Variants in THSD7B observed in about 807,000 individuals in gnomAD.
THSD7B encodes thrombospondin type-1 domain-containing protein 7B.
Under a neutral mutation model 213.6 loss-of-function variants are expected in THSD7B, and 138 were observed. The observed-to-expected ratio is 0.65, with a 90% CI of 0.56 to 0.74. THSD7B has a LOEUF of 0.74. Among genes scored for constraint, THSD7B ranks in the 30% least tolerant of loss-of-function variants. The probability of loss-of-function intolerance (pLI) is 0.00; values close to 1 mark genes in which losing one functional copy is unlikely to be tolerated. For missense variants in THSD7B, 1,931 were observed against 1,991.5 expected, an observed-to-expected ratio of 0.97 and a Z score of 0.58; for synonymous variants, 742 against 687.0, an observed-to-expected ratio of 1.08 and a Z score of -1.25.
intron 1 of THSD7B, among the ~76,000 whole-genome samples, chr2:136,804,426 A>G (rs1380687538): frequency 1.3e-5 from 2 of 149,716 alleles, no homozygotes; most frequent in African/African-American, 5.1e-5. Flanking sequence ...ACACACACAC[A>G]CACACACACA....
At chr2:136,870,920 T>A (rs2104980921) in intron 1 of THSD7B, among the ~76,000 whole-genome samples, 1 of 152,184 alleles carries the variant, frequency 6.6e-6, no homozygotes, top group South Asian at 2.1e-4. Flanking sequence ...AAAGCAAGGG[T>A]GGAAGCAGAA....
intron 2 of THSD7B, among the ~76,000 whole-genome samples, chr2:136,892,132 A>G (rs1683871787): frequency 1.3e-5 from 2 of 152,110 alleles, no homozygotes; most frequent in Non-Finnish European, 2.9e-5. Flanking sequence ...GCTTCCACAG[A>G]GAAACAGAGA....
intron 2 of THSD7B, among the ~76,000 whole-genome samples, chr2:136,889,131 A>T (rs1683772158): frequency 6.6e-6 from 1 of 152,184 alleles, no homozygotes; most frequent in African/African-American, 2.4e-5. Context: ...ATGTATTTCC[A>T]TGTCACTTTA....
intron 1 of THSD7B, among the ~76,000 whole-genome samples, chr2:136,851,121 A>G (rs1417454932): frequency 6.6e-6 from 1 of 152,076 alleles, no homozygotes; most frequent in Non-Finnish European, 1.5e-5. Flanking sequence ...TTTTCTGTAT[A>G]TCTAAATATG....
At chr2:137,658,542 C>T (rs918834288) in intron 24 of THSD7B, among the ~76,000 whole-genome samples, 4 of 152,162 alleles carry the variant, frequency 2.6e-5, no homozygotes, top group East Asian at 3.8e-4. Context: ...CACTGAAGTA[C>T]GCCTGCTGTG....
At position 137,393,765 on chromosome 2, in the gene THSD7B, A is replaced by G. The variant is rs1351564344; in HGVS notation, c.2501-11848A>G. Among the ~76,000 whole-genome samples, 7 of 140,942 alleles carry G rather than the reference A, an allele frequency of 5.0e-5. 1 individual carries two copies. The highest frequency in any genetic ancestry group is 2.8e-4 in the Admixed American group (4 of 14,174). 92.5% of individuals were successfully genotyped at this position (140,942 alleles called of 152,430 possible). A position where few individuals can be genotyped will look rare whatever the true frequency, so the allele number is the denominator to read the frequency against. ...ACGTCCACAATGGTTGAACTAGTTT[A>G]CAGTACCACCAACAGTGTAAAAGTG... On this transcript the variant is annotated intron_variant, in intron 12 of 27. Coordinates refer to ENST00000409968, the MANE Select transcript of THSD7B (RefSeq NM_001316349.2).
chr2:136,993,814 G>A (rs936823565), intron 2 of THSD7B, among the ~76,000 whole-genome samples: 1 of 151,306 alleles, frequency 6.6e-6, no homozygotes, highest in Non-Finnish European at 1.5e-5. Context: ...ATGGCCAAAG[G>A]TGGGGTCATG....
At chr2:137,661,311 G>T (rs893701139) in intron 25 of THSD7B, among the ~76,000 whole-genome samples, 30 of 151,948 alleles carry the variant, frequency 2.0e-4, no homozygotes, top group African/African-American at 7.3e-4. Flanking sequence ...TAATATAAAA[G>T]ACCCATTGTC....
At chr2:137,352,305 G>A (rs1374924992) in intron 12 of THSD7B, among the ~76,000 whole-genome samples, 1 of 151,852 alleles carries the variant, frequency 6.6e-6, no homozygotes, top group Non-Finnish European at 1.5e-5. Context: ...GGATTCTGAT[G>A]GAGGTTAATG....
intron 15 of THSD7B, among the ~76,000 whole-genome samples, chr2:137,498,499 A>G (rs1679625854): frequency 6.6e-6 from 1 of 152,184 alleles, no homozygotes; most frequent in Non-Finnish European, 1.5e-5. Context: ...TCTTAAATCA[A>G]ATGATCTAGA....
intron 15 of THSD7B, among the ~76,000 whole-genome samples, chr2:137,550,096 A>C (rs1009271536): frequency 6.6e-6 from 1 of 152,064 alleles, no homozygotes; most frequent in East Asian, 1.9e-4. Flanking sequence ...AAGGCATTTT[A>C]GACTCTGGAG....
rs374431642 is a variant in THSD7B at position 137,208,169 on chromosome 2, C to T, written c.1724-22875C>T. Among the ~76,000 whole-genome samples the T allele has an allele frequency of 1.2e-3, 185 of 152,124 alleles. 1 individual carries two copies. The highest frequency in any genetic ancestry group is 4.2e-3 in the African/African-American group (175 of 41,546). ...TGGTATGTGTCTATAAGTAAGTGTGCATTCATCTAAAGACATATGTGATTA... is the reference window on the plus strand; with the variant it reads ...TGGTATGTGTCTATAAGTAAGTGTGTATTCATCTAAAGACATATGTGATTA... On this transcript the variant is annotated intron_variant, in intron 7 of 27. Transcript: ENST00000409968.
At chr2:137,624,297 C>T (rs1682580293) in intron 20 of THSD7B, among the ~76,000 whole-genome samples, 5 of 152,200 alleles carry the variant, frequency 3.3e-5, no homozygotes, top group African/African-American at 1.2e-4. Context: ...GAAACTGGAT[C>T]CCTTCCTTAC....
chr2:136,932,078 A>C (rs1299679225), intron 2 of THSD7B, among the ~76,000 whole-genome samples: 1 of 151,540 alleles, frequency 6.6e-6, no homozygotes, highest in African/African-American at 2.4e-5. Flanking sequence ...ATATTATTAT[A>C]TCTTTCTTTA....
At chr2:137,157,543 G>A (rs1679932618) in intron 5 of THSD7B, among the ~76,000 whole-genome samples, 1 of 152,112 alleles carries the variant, frequency 6.6e-6, no homozygotes, top group Non-Finnish European at 1.5e-5. Flanking sequence ...AGGGAAAACT[G>A]TATCAGTCCA....
At chr2:137,102,747 G>A (rs555189968) in intron 4 of THSD7B, among the ~76,000 whole-genome samples, 1 of 152,250 alleles carries the variant, frequency 6.6e-6, no homozygotes, top group Non-Finnish European at 1.5e-5. Flanking sequence ...GCATACACAA[G>A]TATCAATAGC....
At chr2:137,246,761 T>C (rs1190290827) in intron 10 of THSD7B, among the ~76,000 whole-genome samples, 7 of 150,708 alleles carry the variant, frequency 4.6e-5, no homozygotes, top group Non-Finnish European at 1.0e-4. Flanking sequence ...CCATTTCCTT[T>C]GTACTTTTTT....
intron 7 of THSD7B, among the ~76,000 whole-genome samples, chr2:137,184,616 A>T (rs914064813): frequency 3.9e-5 from 6 of 152,164 alleles, no homozygotes; most frequent in Non-Finnish European, 7.3e-5. Context: ...CCACATGTAC[A>T]TATCCATATT....
At position 136,923,362 on chromosome 2, in the gene THSD7B, T is replaced by C. The variant is rs552562131; in HGVS notation, c.139+41045T>C. ...ATTCATTCATCTATTGATAGACATC[T>C]GGGTTGCTTCCAACTCTTGGCTATT... On this transcript the variant is annotated intron_variant, in intron 2 of 27. Coordinates refer to ENST00000409968, the MANE Select transcript of THSD7B (RefSeq NM_001316349.2). Among the ~76,000 whole-genome samples the C allele has an allele frequency of 3.3e-5, 5 of 152,370 alleles. No individual in the cohort carries two copies. The South Asian group carries it at 8.3e-4, about 25-fold the overall frequency.
Sources: gnomAD v4.1 joint callset for allele counts (sites outside exome capture counted in the v4.1 genomes callset) on GRCh38, gnomAD v4.1.1 for gene constraint, MANE v1.5 for transcripts, NCBI Gene and HGNC (gene_info 2026-07-23, HGNC 2026-07-21) for gene names.